The following DAB2IP variants were observed in gnomAD, a reference collection of about 807,000 sequenced individuals.
The protein encoded by DAB2IP is DAB2 interacting protein.
A neutral mutation model predicts 107.2 loss-of-function variants in DAB2IP; 28 were observed. The ratio of observed to expected loss-of-function variants is 0.26; its 90% CI spans 0.19 to 0.36. The LOEUF (loss-of-function observed/expected upper bound fraction) is 0.36. Ranked by LOEUF, DAB2IP falls within the 10% of genes least tolerant of loss-of-function variation. The pLI is 1.00. For missense variants in DAB2IP, 1,400 were observed against 1,644.7 expected (o/e 0.85, Z 2.57); for synonymous variants, 755 against 706.4 (o/e 1.07, Z -1.09).
Position 121,760,195 on chromosome 9 carries a change from A to G in DAB2IP, c.926A>G (p.Lys309Arg), listed in dbSNP as rs1321520385. 33 of 1,613,580 alleles carry G rather than the reference A, an allele frequency of 2.0e-5. No individual in the cohort carries two copies. The highest frequency in any genetic ancestry group is 5.0e-5 in the Admixed American group (3 of 60,008). The change falls in exon 6 of 16, where the codon AAG becomes AGG. Residue 309 changes from lysine to arginine, a missense_variant. By Grantham distance (26) the Lys-to-Arg change is conservative (BLOSUM62 2). Around this residue, in one of 3 missense-constraint regions of DAB2IP, gnomAD observed 517 missense variants for 748.6 expected, o/e 0.69. Coordinates refer to ENST00000408936, the Ensembl canonical transcript of DAB2IP. This position sits in a 1 kb window ranked among gnomAD's most constrained non-coding sequence, Gnocchi z 5.9. Reference sequence around the variant, plus strand: ...GTGGCCGGGCGGCAGTTCGTGGAGAAGTGGTACCCGGTGGTGACGCCCAAC... The same window carrying G: ...GTGGCCGGGCGGCAGTTCGTGGAGAGGTGGTACCCGGTGGTGACGCCCAAC...
At chr9:121,755,501 G>A (rs907261457) in intron 3 of DAB2IP, among the ~76,000 whole-genome samples, 1 of 152,220 alleles carries the variant, frequency 6.6e-6, no homozygotes, top group Non-Finnish European at 1.5e-5. Context: ...GAGAGGCAGA[G>A]GGAGCCGGTT....
chr9:121,645,442 G>A (rs1314089604), intron 1 of DAB2IP, among the ~76,000 whole-genome samples: 1 of 152,200 alleles, frequency 6.6e-6, no homozygotes, highest in Admixed American at 6.5e-5. Context: ...TGGGAGAGGT[G>A]GTCCAGGCTC....
At chr9:121,640,392 A>G (rs1276704120) in intron 1 of DAB2IP, among the ~76,000 whole-genome samples, 3 of 152,162 alleles carry the variant, frequency 2.0e-5, no homozygotes, top group African/African-American at 7.2e-5. Context: ...GAGCACCAGG[A>G]GGACACAAGA....
At position 121,641,892 on chromosome 9, in the gene DAB2IP, CCTTTCTTTCTTTCTTT is replaced by C. The variant is rs71370681; in HGVS notation, c.41-36755_41-36740del. 1.1e-3 allele frequency among the ~76,000 whole-genome samples: 96 copies of C among 89,332 alleles called. 1 individual carries two copies. The highest frequency in any genetic ancestry group is 1.6e-3 in the African/African-American group (31 of 18,994). 58.6% of individuals were successfully genotyped at this position (89,332 alleles called of 152,430 possible). On this transcript the variant is annotated intron_variant, in intron 1 of 16. Coordinates refer to the DAB2IP transcript ENST00000259371. Reference sequence around the variant, plus strand: ...TTCTTTCTTTCTGTCCATTTCTTTCCCTTTCTTTCTTTCTTTCTTTCTTTCTTTCTTTCTTTCTTTC... The same window carrying C: ...TTCTTTCTTTCTGTCCATTTCTTTCCCTTTCTTTCTTTCTTTCTTTCTTTC...
rs1046808464 is a variant in DAB2IP, at chr9:121,736,252, C to G, written c.363-20761C>G. 6.6e-6 allele frequency among the ~76,000 whole-genome samples: 1 copy of G among 152,184 alleles called. No individual in the cohort carries two copies. The highest frequency in any genetic ancestry group is 6.5e-5 in the Admixed American group (1 of 15,278). Reference sequence around the variant, plus strand: ...CTGGGCTGCGCTGGTCTAAGCCCGACGAACCCGGGGTGGGGCCAGCGGGCC... The same window carrying G: ...CTGGGCTGCGCTGGTCTAAGCCCGAGGAACCCGGGGTGGGGCCAGCGGGCC... On this transcript the variant is annotated intron_variant, in intron 3 of 15. Coordinates refer to ENST00000408936, the Ensembl canonical transcript of DAB2IP. The surrounding 1 kb of genome is among the most constrained non-coding windows in gnomAD (Gnocchi z 4.6).
At chr9:121,769,800 G>A (rs1397259288) in intron 10 of DAB2IP, among the ~76,000 whole-genome samples, 2 of 152,224 alleles carry the variant, frequency 1.3e-5, no homozygotes, top group Non-Finnish European at 2.9e-5. Context: ...CCACGTATCT[G>A]CACAACCAGG....
intron 2 of DAB2IP, among the ~76,000 whole-genome samples, chr9:121,694,652 AC>A (rs930523673): frequency 6.0e-5 from 9 of 150,982 alleles, no homozygotes; most frequent in African/African-American, 2.2e-4. Flanking sequence ...CCAGCCAAAG[AC>A]CCCCCAGGCC....
upstream of DAB2IP, among the ~76,000 whole-genome samples, chr9:121,650,669 T>G (rs10818576): frequency 0.21 from 32,640 of 152,082 alleles, 3,770 homozygotes; most frequent in South Asian, 0.34. Context: ...TCTTAATAAT[T>G]TAAACGACGA....
chr9:121,594,935 G>A (rs1393579015), intron 1 of DAB2IP, among the ~76,000 whole-genome samples: 1 of 152,180 alleles, frequency 6.6e-6, no homozygotes, highest in Admixed American at 6.5e-5. Context: ...GACATTCTAG[G>A]AAGAGTAAAC....
At chr9:121,666,831 ACT>A (rs1048838213) in intron 1 of DAB2IP, among the ~76,000 whole-genome samples, 1 of 149,406 alleles carries the variant, frequency 6.7e-6, no homozygotes, top group Non-Finnish European at 1.5e-5. Flanking sequence ...ATTTTAGCAA[ACT>A]CTTTATTTGG....
In DAB2IP at chr9:121,726,548, G is replaced by T. The variant is rs148493123; in HGVS notation, c.362+27090G>T. On this transcript the variant is annotated intron_variant, in intron 3 of 15. Transcript: ENST00000408936. ...GGCTTGCAATTGGCATCTGAAGGAT[G>T]GGGGGATAGTCTTGGGGACTGAGCC... 5.9e-3 allele frequency among the ~76,000 whole-genome samples: 903 copies of T among 152,306 alleles called. 10 individuals carry two copies. The highest frequency in any genetic ancestry group is 0.02 in the African/African-American group (852 of 41,570).
chr9:121,713,880 A>G (rs766202439), intron 3 of DAB2IP, among the ~76,000 whole-genome samples: 3 of 152,108 alleles, frequency 2.0e-5, no homozygotes, highest in Non-Finnish European at 4.4e-5. Flanking sequence ...TCTCTGATGA[A>G]CAGAATCCTG....
intron 1 of DAB2IP, among the ~76,000 whole-genome samples, chr9:121,636,354 T>C (rs1832088026): frequency 6.6e-6 from 1 of 152,102 alleles, no homozygotes; most frequent in Non-Finnish European, 1.5e-5. Context: ...GATGGCAAAG[T>C]GACTGAGAAG....
At chr9:121,668,770 T>G (rs968090687) in intron 1 of DAB2IP, among the ~76,000 whole-genome samples, 1 of 152,226 alleles carries the variant, frequency 6.6e-6, no homozygotes, top group Non-Finnish European at 1.5e-5. Flanking sequence ...AGAGAACGTC[T>G]GATAACAAGT....
intron 3 of DAB2IP, among the ~76,000 whole-genome samples, chr9:121,727,243 C>T (rs1224107315): frequency 2.0e-5 from 3 of 152,220 alleles, no homozygotes; most frequent in Non-Finnish European, 2.9e-5. Flanking sequence ...GTTCAGGCTC[C>T]TGAGCTGCAC....
intron 2 of DAB2IP, among the ~76,000 whole-genome samples, chr9:121,682,478 C>A (rs1000288741): frequency 6.6e-6 from 1 of 152,196 alleles, no homozygotes; most frequent in African/African-American, 2.4e-5. Context: ...GAGGTCACCA[C>A]CCAGCTGACA....
rs773432947 is a variant in DAB2IP at position 121,699,422 on chromosome 9, T to G, written c.326T>G (p.Phe109Cys). ...AGCTTCCGCCACATCCTGCCGGGGT[T>G]CCGGAGCGCCGCCGCCGCCGCCGCG... is the stretch of plus-strand genomic sequence containing the variant. The change falls in exon 3 of 16, where the codon TTC (phenylalanine) becomes TGC (cysteine). Residue 109 changes from phenylalanine to cysteine, a missense_variant. By Grantham distance (205) the Phe-to-Cys change is radical. Coordinates refer to ENST00000408936, the Ensembl canonical transcript of DAB2IP. This position sits in a 1 kb window ranked among gnomAD's most constrained non-coding sequence, Gnocchi z 6.2. The G allele has an allele frequency of 6.2e-6, 9 of 1,459,794 alleles. No homozygotes were observed. In the African/African-American group the frequency reaches 1.2e-4, roughly 19 times the overall value. The allele number at this position is 1,459,794 out of a possible 1,614,324, so 90.4% of individuals were successfully genotyped here. A position where few individuals can be genotyped will look rare whatever the true frequency, so the allele number is the denominator to read the frequency against.
chr9:121,598,368 GGACGGC>G (rs1235168310), intron 1 of DAB2IP: 2 of 56,862 alleles, frequency 3.5e-5, no homozygotes, highest in Non-Finnish European at 7.8e-5. Context: ...TTCTGAGCCG[GGACGGC>G]TCAAGGAGCC....
intron 2 of DAB2IP, among the ~76,000 whole-genome samples, chr9:121,696,353 AC>A (rs1829429557): frequency 6.6e-6 from 1 of 152,052 alleles, no homozygotes; most frequent in Admixed American, 6.5e-5. Context: ...GGTATCAAGA[AC>A]CCTGTTTGAC....
Sources: gnomAD v4.1 joint callset for allele counts (sites outside exome capture counted in the v4.1 genomes callset) on GRCh38, gnomAD v4.1.1 for gene constraint, gnomAD v4.1.1 regional missense constraint, Gnocchi (gnomAD v3.1) non-coding constraint, MANE v1.5 for transcripts, NCBI Gene and HGNC (gene_info 2026-07-23, HGNC 2026-07-21) for gene names.